The following ARID1B variants were observed in gnomAD, a reference collection of about 807,000 sequenced individuals.
The protein encoded by ARID1B is AT-rich interactive domain-containing protein 1B.
A neutral mutation model predicts 212.3 loss-of-function variants in ARID1B; 30 were observed. That is an observed-to-expected ratio of 0.14 (90% confidence interval 0.11 to 0.19). The LOEUF is 0.19. Among genes scored for constraint, ARID1B ranks in the 10% least tolerant of loss-of-function variants. The pLI, the probability that ARID1B is intolerant of heterozygous loss-of-function variation, is 1.00. For synonymous variants in ARID1B, 1,402 were observed against 1,301.7 expected (o/e 1.08, Z -1.66); for missense variants, 2,891 against 3,204.0 (o/e 0.90, Z 2.36).
At chr6:157,162,355 A>G (rs1156956887) in intron 8 of ARID1B, among the ~76,000 whole-genome samples, 2 of 152,232 alleles carry the variant, frequency 1.3e-5, no homozygotes, top group Non-Finnish European at 2.9e-5. Context: ...ACACTGAACC[A>G]TTGGAAATAG....
At chr6:156,997,977 G>A (rs1027892985) in intron 4 of ARID1B, among the ~76,000 whole-genome samples, 8 of 152,084 alleles carry the variant, frequency 5.3e-5, no homozygotes, top group African/African-American at 1.9e-4. Flanking sequence ...AATTCTTATG[G>A]GACAATAATA....
chr6:157,169,046 G>T (rs1318076899), intron 9 of ARID1B: 1 of 152,130 alleles, frequency 6.6e-6, no homozygotes, highest in Non-Finnish European at 1.5e-5. Flanking sequence ...TGATCTCTCA[G>T]AGAGACAGGA....
At position 156,779,181 on chromosome 6, in the gene ARID1B, A is replaced by G. The variant is rs2114998192; in HGVS notation, c.1501A>G (p.Thr501Ala). The change falls in exon 1 of 20, where the codon ACC (threonine) becomes GCC (alanine). Residue 501 changes from threonine to alanine, a missense_variant. Thr to Ala is a moderately conservative substitution (Grantham distance 58). Coordinates refer to ENST00000636930, the MANE Select transcript of ARID1B (RefSeq NM_001374828.1). ...QNQHPSGATP[T>A]LNQLLTSPSP... ...CCAGCACCCGTCGGGGGCCACCCCG[A>G]CCCTCAATCAGCTGCTCACCTCGCC... 1.5e-6 allele frequency: 2 copies of G among 1,323,556 alleles called. No individual in the cohort carries two copies. The highest frequency in any genetic ancestry group is 2.0e-5 in the South Asian group (1 of 50,906). 82.0% of individuals were successfully genotyped at this position (1,323,556 alleles called of 1,614,324 possible). A position where few individuals can be genotyped will look rare whatever the true frequency, so the allele number is the denominator to read the frequency against.
Position 156,961,027 on chromosome 6 carries a change from G to T in ARID1B, c.2247+25451G>T, listed in dbSNP as rs1006162612. Among the ~76,000 whole-genome samples the T allele has an allele frequency of 2.0e-5, 3 of 152,298 alleles. No individual in the cohort carries two copies. In the South Asian group the frequency reaches 6.2e-4, roughly 32 times the overall value. On this transcript the variant is annotated intron_variant, in intron 4 of 19. Coordinates refer to ENST00000636930, the MANE Select transcript of ARID1B (RefSeq NM_001374828.1). ...ATGGAACATTGATTCTAAATTTGAAGATTTATGTGTTCCCACAGAAAAGGA... is the reference window on the plus strand; with the variant it reads ...ATGGAACATTGATTCTAAATTTGAATATTTATGTGTTCCCACAGAAAAGGA...
chr6:156,915,667 G>A (rs1385994835), intron 3 of ARID1B, among the ~76,000 whole-genome samples: 1 of 151,826 alleles, frequency 6.6e-6, no homozygotes, highest in African/African-American at 2.4e-5. Flanking sequence ...AGGCCCAGGC[G>A]GGCAGATCAC....
intron 1 of ARID1B, 163 bp downstream of exon 1, chr6:156,779,634 G>C (rs1226516693): frequency 1.4e-5 from 9 of 627,538 alleles, no homozygotes; most frequent in South Asian, 7.4e-5. Flanking sequence ...CGCCGCGGTC[G>C]GGGCGCCCCG....
chr6:156,792,285 T>A (rs1290735386), intron 1 of ARID1B, among the ~76,000 whole-genome samples: 2 of 152,134 alleles, frequency 1.3e-5, no homozygotes, highest in Non-Finnish European at 2.9e-5. Context: ...CAAGTATCAG[T>A]CCTATGCAGC....
intron 1 of ARID1B, among the ~76,000 whole-genome samples, chr6:156,802,339 A>G (rs555395032): frequency 1.3e-5 from 2 of 152,290 alleles, no homozygotes; most frequent in South Asian, 2.1e-4. Context: ...TATGTAAAGG[A>G]TGTTAGTTAT....
intron 7 of ARID1B, among the ~76,000 whole-genome samples, chr6:157,138,295 A>ATGCAAACTTGACTCAC (rs1789080543): frequency 6.6e-6 from 1 of 152,014 alleles, no homozygotes; most frequent in South Asian, 2.1e-4. Flanking sequence ...GAGTGCAGTG[A>ATGCAAACTTGACTCAC]TGCAACCTTG....
chr6:157,106,766 A>G (rs1043265456), intron 5 of ARID1B, among the ~76,000 whole-genome samples: 1 of 152,104 alleles, frequency 6.6e-6, no homozygotes, highest in Non-Finnish European at 1.5e-5. Context: ...ATTGGAGGTT[A>G]CTCGAGGGTG....
chr6:157,104,620 A>T (rs988755387), intron 5 of ARID1B, among the ~76,000 whole-genome samples: 3 of 152,268 alleles, frequency 2.0e-5, no homozygotes, highest in Non-Finnish European at 4.4e-5. Context: ...GTTAAAAGAC[A>T]TATAATGGTG....
intron 1 of ARID1B, among the ~76,000 whole-genome samples, chr6:156,790,805 G>A (rs1167664992): frequency 6.6e-6 from 1 of 152,158 alleles, no homozygotes; most frequent in East Asian, 1.9e-4. Flanking sequence ...TATTGTATAT[G>A]GCAAGACTCT....
At chr6:157,157,421 A>G (rs921057102) in intron 8 of ARID1B, among the ~76,000 whole-genome samples, 2 of 152,200 alleles carry the variant, frequency 1.3e-5, no homozygotes, top group Non-Finnish European at 2.9e-5. Context: ...AGGAGTGGCA[A>G]TGGCCAGTGA....
intron 4 of ARID1B, among the ~76,000 whole-genome samples, chr6:156,961,548 C>T (rs1352511639): frequency 6.6e-6 from 1 of 151,982 alleles, no homozygotes; most frequent in East Asian, 1.9e-4. Context: ...CAGGTGGCTC[C>T]GTTCACCTGA....
In ARID1B at chr6:157,077,938, T is replaced by C. The variant is rs11969586; in HGVS notation, c.2248-6724T>C. ...ACCTTTCCTCACATTATTCAGTATCTCACTTTTTTATAAAGCTTTAATTTC... is the reference window on the plus strand; with the variant it reads ...ACCTTTCCTCACATTATTCAGTATCCCACTTTTTTATAAAGCTTTAATTTC... On this transcript the variant is annotated intron_variant, in intron 4 of 19. Coordinates refer to ENST00000636930, the MANE Select transcript of ARID1B (RefSeq NM_001374828.1). 4.2e-3 allele frequency among the ~76,000 whole-genome samples: 641 copies of C among 152,300 alleles called. 3 individuals carry two copies. Among genetic ancestry groups the C allele is most frequent in the African/African-American group, 0.015 (608 of 41,556 alleles).
At chr6:157,135,063 A>AG (rs906289760) in intron 7 of ARID1B, among the ~76,000 whole-genome samples, 1 of 152,000 alleles carries the variant, frequency 6.6e-6, no homozygotes, top group Non-Finnish European at 1.5e-5. Flanking sequence ...AATTAATAGC[A>AG]GGGAAGGAAA....
chr6:157,050,104 C>T (rs1310808219), intron 4 of ARID1B, among the ~76,000 whole-genome samples: 1 of 152,202 alleles, frequency 6.6e-6, no homozygotes, highest in African/African-American at 2.4e-5. Flanking sequence ...GCCCCCACCT[C>T]ACTGAGGGTC....
Position 157,181,149 on chromosome 6 carries a change from T to G in ARID1B, c.3685T>G (p.Cys1229Gly). The change falls in exon 12 of 20, where the codon TGC becomes GGC. Residue 1229 changes from cysteine to glycine, a missense_variant. Around this residue, in one of 7 missense-constraint regions of ARID1B, gnomAD observed 666 missense variants for 873.5 expected, o/e 0.76. Transcript: ENST00000636930. ...CCTGGACCTGTTCCGACTCTACGTC[T>G]GCGTCAAAGAGATCGGGGGTTTGGC... ...KPLDLFRLYV[C>G]VKEIGGLAQV... 2 of 1,614,208 alleles carry G rather than the reference T, an allele frequency of 1.2e-6. No homozygotes were observed. The highest frequency in any genetic ancestry group is 1.7e-6 in the Non-Finnish European group (2 of 1,180,040).
At chr6:157,199,856 G>A (rs962268073) in intron 17 of ARID1B, among the ~76,000 whole-genome samples, 6 of 151,792 alleles carry the variant, frequency 4.0e-5, no homozygotes, top group African/African-American at 1.2e-4. Context: ...TATAAGAGAC[G>A]GGGTTTCACC....
Sources: gnomAD v4.1 joint callset for allele counts (sites outside exome capture counted in the v4.1 genomes callset) on GRCh38, gnomAD v4.1.1 for gene constraint, gnomAD v4.1.1 regional missense constraint, MANE v1.5 for transcripts, NCBI Gene and HGNC (gene_info 2026-07-23, HGNC 2026-07-21) for gene names.